Variants in GLRA2 observed in about 807,000 individuals in gnomAD.
GLRA2 encodes glycine receptor alpha 2, also known as glycine receptor subunit alpha-2.
In GLRA2, 11 loss-of-function variants were observed where a neutral mutation model predicts 31.6. The ratio of observed to expected loss-of-function variants is 0.35; its 90% CI spans 0.22 to 0.58. The LOEUF (loss-of-function observed/expected upper bound fraction) is 0.58, where lower values mean the gene tolerates loss of function less well. Among genes scored for constraint, GLRA2 ranks in the 20% least tolerant of loss-of-function variants. The pLI is 0.84. For missense variants in GLRA2, 212 were observed against 351.8 expected, an observed-to-expected ratio of 0.60 and a Z score of 3.18; for synonymous variants, 132 against 134.0, an observed-to-expected ratio of 0.99 and a Z score of 0.10.
intron 7 of GLRA2, among the ~76,000 whole-genome samples, chrX:14,613,085 A>G (rs2090417510): frequency 8.9e-6 from 1 of 111,842 alleles, no homozygotes; most frequent in Non-Finnish European, 1.9e-5. Context: ...TTATAAAATG[A>G]GAACATTATT....
chrX:14,478,695 C>T, the GLRA2 span, among the ~76,000 whole-genome samples: 1 of 112,012 alleles, frequency 8.9e-6, no homozygotes, highest in African/African-American at 3.2e-5. Context: ...TCCTGTTTGC[C>T]AGGAAGCTCC....
At chrX:14,689,196 A>G (rs1486785376) in intron 7 of GLRA2, among the ~76,000 whole-genome samples, 1 of 112,240 alleles carries the variant, frequency 8.9e-6, no homozygotes, top group African/African-American at 3.2e-5. Flanking sequence ...GCCTGTTTTC[A>G]TATCTTTACT....
intron 2 of GLRA2, among the ~76,000 whole-genome samples, chrX:14,537,440 G>T (rs1465105009): frequency 9.0e-6 from 1 of 111,255 alleles, no homozygotes; most frequent in Non-Finnish European, 1.9e-5. Context: ...TCAAGGAAGC[G>T]CCTCTCTTGG....
chrX:14,686,256 AGT>A (rs2091276742), intron 7 of GLRA2, among the ~76,000 whole-genome samples: 1 of 111,479 alleles, frequency 9.0e-6, no homozygotes, highest in East Asian at 2.8e-4. Context: ...TTTTGGAATA[AGT>A]GTGATGTGGT....
chrX:14,637,123 G>A (rs1353430061), intron 7 of GLRA2, among the ~76,000 whole-genome samples: 1 of 112,449 alleles, frequency 8.9e-6, no homozygotes, highest in Admixed American at 9.4e-5. Flanking sequence ...CACATTCTCA[G>A]AGGAAAGGAT....
At chrX:14,636,717 G>A (rs143842270) in intron 7 of GLRA2, among the ~76,000 whole-genome samples, 683 of 111,771 alleles carry the variant, frequency 6.1e-3, no homozygotes, top group Non-Finnish European at 9.8e-3. Context: ...AATGTACCAC[G>A]CCATAGTAAG....
At chrX:14,500,884 C>A in the GLRA2 span, among the ~76,000 whole-genome samples, 8 of 110,479 alleles carry the variant, frequency 7.2e-5, no homozygotes, top group African/African-American at 2.0e-4. Context: ...ATATCTACAC[C>A]ACCATTTTGG....
chrX:14,684,009 G>A (rs1338092916), intron 7 of GLRA2, among the ~76,000 whole-genome samples: 2 of 110,939 alleles, frequency 1.8e-5, no homozygotes, highest in Non-Finnish European at 3.8e-5. Flanking sequence ...CTACGTGAAT[G>A]TACAGAATAG....
the GLRA2 span, among the ~76,000 whole-genome samples, chrX:14,476,458 G>A: frequency 6.3e-5 from 7 of 111,486 alleles, no homozygotes; most frequent in Non-Finnish European, 1.3e-4. Flanking sequence ...TGGTTCCTCC[G>A]TTTCTTCAGA....
chrX:14,694,315 TTAAA>T (rs1204420887), intron 8 of GLRA2, among the ~76,000 whole-genome samples: 1 of 111,556 alleles, frequency 9.0e-6, no homozygotes, highest in Non-Finnish European at 1.9e-5. Flanking sequence ...TACTCACAGG[TTAAA>T]TATATATATT....
At chrX:14,668,357 T>G (rs750580734) in intron 7 of GLRA2, among the ~76,000 whole-genome samples, 1 of 112,066 alleles carries the variant, frequency 8.9e-6, no homozygotes, top group South Asian at 3.7e-4. Context: ...GGTCAGCCCA[T>G]AGTCAAGGGG....
chrX:14,726,832 C>T (rs1334243909), intron 8 of GLRA2, among the ~76,000 whole-genome samples: 2 of 112,395 alleles, frequency 1.8e-5, no homozygotes, highest in East Asian at 5.6e-4. Flanking sequence ...AAATAGTTTA[C>T]TACCTACATA....
intron 2 of GLRA2, among the ~76,000 whole-genome samples, chrX:14,551,831 C>T (rs2089569661): frequency 9.0e-6 from 1 of 111,445 alleles, no homozygotes; most frequent in Non-Finnish European, 1.9e-5. Context: ...AATTTATTCT[C>T]TTATTACTTT....
intron 7 of GLRA2, among the ~76,000 whole-genome samples, chrX:14,653,230 T>A (rs1331219646): frequency 8.9e-6 from 1 of 111,842 alleles, no homozygotes; most frequent in Non-Finnish European, 1.9e-5. Context: ...TACTATTTTT[T>A]AAAAAATGAA....
the GLRA2 span, among the ~76,000 whole-genome samples, chrX:14,468,074 T>G: frequency 8.9e-6 from 1 of 111,807 alleles, no homozygotes; most frequent in Admixed American, 9.5e-5. Context: ...TCTTCCCTGA[T>G]CTGTTTCCTT....
chrX:14,522,738 T>C, the GLRA2 span, among the ~76,000 whole-genome samples: 3 of 111,977 alleles, frequency 2.7e-5, no homozygotes, highest in African/African-American at 9.7e-5. Context: ...ACCAGAACCC[T>C]TGGGTGCATT....
intron 2 of GLRA2, among the ~76,000 whole-genome samples, chrX:14,560,873 C>CAT (rs892452020): frequency 5.8e-4 from 56 of 97,347 alleles, no homozygotes; most frequent in African/African-American, 1.2e-3. Context: ...TAAATACAAA[C>CAT]ATATATATAT....
upstream of GLRA2, among the ~76,000 whole-genome samples, chrX:14,527,033 G>T (rs186693330): frequency 9.0e-6 from 1 of 111,184 alleles, no homozygotes; most frequent in Non-Finnish European, 1.9e-5. Flanking sequence ...ATGACATTAG[G>T]TACCATGGAA....
chrX:14,547,886 G>A (rs1601698897), intron 2 of GLRA2, among the ~76,000 whole-genome samples: 1 of 111,832 alleles, frequency 8.9e-6, no homozygotes, highest in Admixed American at 9.5e-5. Context: ...AGAAGGTTAG[G>A]ATTGAGCTTA....
Sources: allele counts gnomAD v4.1 joint callset (sites outside exome capture counted in the v4.1 genomes callset), GRCh38; gene constraint gnomAD v4.1.1; transcripts MANE v1.5; gene names NCBI Gene and HGNC (gene_info 2026-07-23, HGNC 2026-07-21).